The following TBC1D5 variants were observed in gnomAD, a reference collection of about 807,000 sequenced individuals.
TBC1D5 encodes the protein TBC1 domain family member 5, also known as TBC1 domain family, member 5.
TBC1D5 carries 75 observed loss-of-function variants against 100.3 expected under a neutral mutation model. That is an observed-to-expected ratio of 0.75 (90% CI 0.62 to 0.91). The LOEUF (loss-of-function observed/expected upper bound fraction) is 0.91, where lower values mean the gene tolerates loss of function less well. Among genes scored for constraint, TBC1D5 ranks in the 40% least tolerant of loss-of-function variants. The pLI is 0.00. For missense variants in TBC1D5, 910 were observed against 942.4 expected (o/e 0.97, Z 0.45); for synonymous variants, 323 against 325.6 (o/e 0.99, Z 0.09).
intron 2 of TBC1D5, among the ~76,000 whole-genome samples, chr3:17,581,240 G>C (rs1172637140): frequency 4.6e-5 from 7 of 152,228 alleles, no homozygotes; most frequent in Admixed American, 2.6e-4. Context: ...CATGTGAACT[G>C]TGAGTCCATT....
At chr3:17,437,325 C>G (rs58653570) in intron 3 of TBC1D5, among the ~76,000 whole-genome samples, 13,846 of 152,136 alleles carry the variant, frequency 0.091, 1,421 homozygotes, top group African/African-American at 0.26. Flanking sequence ...TAATAACACA[C>G]AAATCCAAGT....
chr3:17,168,665 G>A (rs1280661956), intron 19 of TBC1D5, among the ~76,000 whole-genome samples: 1 of 152,188 alleles, frequency 6.6e-6, no homozygotes, highest in Non-Finnish European at 1.5e-5. Context: ...TGTGCTGGTG[G>A]AGGAAGGGAG....
intron 3 of TBC1D5, among the ~76,000 whole-genome samples, chr3:17,462,603 G>A (rs967863485): frequency 2.0e-5 from 3 of 152,132 alleles, no homozygotes; most frequent in Non-Finnish European, 2.9e-5. Flanking sequence ...TTACAGGCAT[G>A]AGCCACTGGG....
chr3:17,234,184 A>C (rs940273404), intron 17 of TBC1D5, among the ~76,000 whole-genome samples: 2 of 152,132 alleles, frequency 1.3e-5, no homozygotes, highest in Admixed American at 6.6e-5. Context: ...CTTGAAACCA[A>C]CTTCTTCAGT....
intron 17 of TBC1D5, among the ~76,000 whole-genome samples, chr3:17,237,920 T>C (rs1052807793): frequency 1.6e-4 from 24 of 152,164 alleles, no homozygotes; most frequent in Admixed American, 6.6e-5. Context: ...GCCATCATAC[T>C]GTATGGGCAT....
intron 1 of TBC1D5, among the ~76,000 whole-genome samples, chr3:17,728,531 C>A (rs1052520583): frequency 5.3e-5 from 8 of 152,094 alleles, no homozygotes; most frequent in African/African-American, 1.9e-4. Flanking sequence ...CATATAGAGA[C>A]AAACGGCTCA....
intron 1 of TBC1D5, among the ~76,000 whole-genome samples, chr3:17,711,263 T>G (rs1211598493): frequency 6.6e-6 from 1 of 152,214 alleles, no homozygotes; most frequent in Non-Finnish European, 1.5e-5. Context: ...GGTATTTTTA[T>G]ACTAAATTTA....
intron 3 of TBC1D5, among the ~76,000 whole-genome samples, chr3:17,474,716 G>T (rs1463092999): frequency 6.6e-6 from 1 of 152,012 alleles, no homozygotes; most frequent in Non-Finnish European, 1.5e-5. Context: ...TAAAAAACAG[G>T]CAAGGACAGG....
chr3:17,308,397 G>C (rs768515204), intron 13 of TBC1D5, among the ~76,000 whole-genome samples: 1 of 151,834 alleles, frequency 6.6e-6, no homozygotes, highest in Non-Finnish European at 1.5e-5. Context: ...ATATTTAATA[G>C]AAATCACAAA....
rs150614567 is a variant in TBC1D5 at position 17,678,666 on chromosome 3, TAAA to T, written c.-100-54756_-100-54754del. On this transcript the variant is annotated intron_variant, in intron 1 of 21. Transcript: ENST00000253692. ...AAGAGAACTGAGGGAAAAAGAGGGA[TAAA>T]AAAAAAAAAAAAAAAAAACAGGAAA... Among the ~76,000 whole-genome samples the T allele has an allele frequency of 1.4e-3, 150 of 109,084 alleles. 3 individuals are homozygous for T. In the South Asian group the frequency reaches 0.021, roughly 15 times the overall value. The allele number at this position is 109,084 out of a possible 152,430, so 71.6% of individuals were successfully genotyped here. A position where few individuals can be genotyped will look rare whatever the true frequency, so the allele number is the denominator to read the frequency against.
At chr3:17,663,184 A>T (rs2066835593) in intron 1 of TBC1D5, 1 of 152,212 alleles carries the variant, frequency 6.6e-6, no homozygotes, top group Non-Finnish European at 1.5e-5. Context: ...AGATCAATTA[A>T]AACTTTATTA....
At chr3:17,161,044 G>A (rs1304880701) in exon 22 of TBC1D5, 1 of 1,614,230 alleles carries the variant, frequency 6.2e-7, no homozygotes, top group South Asian at 1.1e-5. Context: ...GGTTGCTGGA[G>A]GAAGCTGAGG....
chr3:17,492,614 T>C lies in TBC1D5; in HGVS notation c.97+15860A>G, dbSNP rs554455472. On this transcript the variant is annotated intron_variant, in intron 3 of 21. Coordinates refer to ENST00000253692, the Ensembl canonical transcript of TBC1D5. ...CAGGTCTGGTTAATTTTTGTCTTTT[T>C]TAGTAGAGACAGGGTTTTACCATTT... Among the ~76,000 whole-genome samples the C allele has an allele frequency of 2.0e-5, 3 of 152,224 alleles. 1 individual carries two copies. The South Asian group carries it at 6.2e-4, about 32-fold the overall frequency.
chr3:17,366,313 C>CA (rs1020974994), intron 13 of TBC1D5, among the ~76,000 whole-genome samples: 26 of 151,002 alleles, frequency 1.7e-4, no homozygotes, highest in African/African-American at 5.3e-4. Context: ...CAAAAAAAAA[C>CA]AAAAAAACAA....
intron 2 of TBC1D5, among the ~76,000 whole-genome samples, chr3:17,582,928 C>G (rs1023946854): frequency 1.3e-5 from 2 of 151,980 alleles, no homozygotes; most frequent in Non-Finnish European, 2.9e-5. Context: ...GGAGAGAAAA[C>G]AGAACTGAAT....
intron 13 of TBC1D5, among the ~76,000 whole-genome samples, chr3:17,344,908 A>T (rs922864777): frequency 4.9e-4 from 75 of 152,252 alleles, no homozygotes; most frequent in African/African-American, 1.4e-3. Context: ...CCTTATACAA[A>T]AATTAATTCA....
intron 1 of TBC1D5, among the ~76,000 whole-genome samples, chr3:17,705,277 G>A (rs1279319663): frequency 2.1e-5 from 2 of 97,124 alleles, no homozygotes; most frequent in African/African-American, 7.6e-5. Flanking sequence ...CGGACGGCAC[G>A]GCTGGCCAGG....
chr3:17,203,302 T>C (rs1575932055), intron 18 of TBC1D5, among the ~76,000 whole-genome samples: 2 of 152,208 alleles, frequency 1.3e-5, no homozygotes, highest in Non-Finnish European at 1.5e-5. Flanking sequence ...AGAATGGGCA[T>C]ATTTACCCAG....
intron 3 of TBC1D5, among the ~76,000 whole-genome samples, chr3:17,502,665 C>T (rs1039675487): frequency 1.3e-5 from 2 of 149,492 alleles, no homozygotes; most frequent in Middle Eastern, 3.4e-3. Flanking sequence ...CATTTGAATG[C>T]CCTAAGGTAC....
Sources: gnomAD v4.1 joint callset for allele counts (sites outside exome capture counted in the v4.1 genomes callset) on GRCh38, gnomAD v4.1.1 for gene constraint, MANE v1.5 for transcripts, NCBI Gene and HGNC (gene_info 2026-07-23, HGNC 2026-07-21) for gene names.